Variants in TTF1 observed in about 807,000 individuals in gnomAD.
TTF1 encodes the protein transcription termination factor 1, also known as transcription termination factor, RNA polymerase I.
TTF1 carries 64 observed loss-of-function variants against 80.2 expected under a neutral mutation model. That is an observed-to-expected ratio of 0.80 (90% CI 0.65 to 0.98). The LOEUF (loss-of-function observed/expected upper bound fraction) is 0.98. Among genes scored for constraint, TTF1 ranks in the 50% least tolerant of loss-of-function variants. The pLI, the probability that TTF1 is intolerant of heterozygous loss-of-function variation, is 0.00. For missense variants in TTF1, 1,023 were observed against 1,086.2 expected, an observed-to-expected ratio of 0.94 and a Z score of 0.82; for synonymous variants, 372 against 382.7, an observed-to-expected ratio of 0.97 and a Z score of 0.33.
rs879387967 is a variant in TTF1, at chr9:132,375,699, G to A, written c.*216C>T. ...ATGTATATAAATATAATCAAACTGA[G>A]AAAAAGGGACAAGAAATAGTAATCT... On this transcript the variant is annotated 3_prime_UTR_variant, in exon 11 of 11. Coordinates refer to ENST00000334270, the MANE Select transcript of TTF1 (RefSeq NM_007344.4). The A allele has an allele frequency of 1.7e-5, 8 of 464,894 alleles. No individual in the cohort carries two copies. The highest frequency in any genetic ancestry group is 2.7e-5 in the Non-Finnish European group (7 of 258,356). 28.8% of individuals were successfully genotyped at this position (464,894 alleles called of 1,614,324 possible). A position where few individuals can be genotyped will look rare whatever the true frequency, so the allele number is the denominator to read the frequency against.
At chr9:132,404,448 C>T (rs984246299) in intron 1 of TTF1, among the ~76,000 whole-genome samples, 5 of 152,088 alleles carry the variant, frequency 3.3e-5, no homozygotes, top group African/African-American at 7.2e-5. Context: ...TATTTCCTTC[C>T]GTTATAGGAA....
chr9:132,384,232 G>A lies in TTF1; in HGVS notation c.2378+2324C>T, dbSNP rs1427898786. Among the ~76,000 whole-genome samples, 2 of 152,004 alleles carry A rather than the reference G, an allele frequency of 1.3e-5. No individual in the cohort carries two copies. Among genetic ancestry groups the A allele is most frequent in the Non-Finnish European group, 2.9e-5 (2 of 68,014 alleles). Reference sequence around the variant, plus strand: ...AATAAAGTTTCTGAAAAAAATAATTGGGCATTGCTAATAAAGCAGTACTTA... The same window carrying A: ...AATAAAGTTTCTGAAAAAAATAATTAGGCATTGCTAATAAAGCAGTACTTA... On this transcript the variant is annotated intron_variant, in intron 9 of 10. Coordinates refer to ENST00000334270, the MANE Select transcript of TTF1 (RefSeq NM_007344.4). This position sits in a 1 kb window ranked among gnomAD's most constrained non-coding sequence, Gnocchi z 4.1.
Position 132,376,110 on chromosome 9 carries a change from T to G in TTF1, c.2523A>C (p.Lys841Asn). The G allele has an allele frequency of 6.2e-7, 1 of 1,614,164 alleles. No individual in the cohort carries two copies. The highest frequency in any genetic ancestry group is 1.7e-5 in the Admixed American group (1 of 60,014). Residue 841 changes from lysine to asparagine, a missense_variant, in exon 11 of 11, where the codon AAA (lysine) becomes AAC (asparagine). Lys to Asn is a moderately conservative substitution (Grantham distance 94). Transcript: ENST00000334270. The stretch of plus-strand genomic sequence containing the variant: ...TTTTAGTGCCTTTTTTCTCCATCAT[T>G]TTTTCTAACTTTTCCTTCAGCAAAG... ...TLPLLKEKLE[K>N]MMEKKGTKIQ...
intron 9 of TTF1, among the ~76,000 whole-genome samples, chr9:132,382,119 A>G (rs1461121529): frequency 2.0e-5 from 3 of 152,228 alleles, no homozygotes; most frequent in Non-Finnish European, 4.4e-5. Context: ...TGAGATATCG[A>G]GAGTGGTGGG....
chr9:132,383,475 T>C (rs1473997235), intron 9 of TTF1, among the ~76,000 whole-genome samples: 5 of 152,168 alleles, frequency 3.3e-5, no homozygotes, highest in Admixed American at 3.3e-4. Context: ...TGAATGGTTA[T>C]GGGAAAAACC....
Position 132,376,137 on chromosome 9 carries a change from TAG to T in TTF1, c.2494_2495del (p.Leu832ThrfsTer17). 2 of 1,613,762 alleles carry T rather than the reference TAG, an allele frequency of 1.2e-6. No homozygotes were observed. Among genetic ancestry groups the T allele is most frequent in the Non-Finnish European group, 1.7e-6 (2 of 1,180,004 alleles). ...EIIDYLYETT[L>X]PLLKEKLEKM... ...TTTCTAACTTTTCCTTCAGCAAAGG[TAG>T]AGTCGTCTCATAAAGGTAGTCGATG... On this transcript the variant is annotated frameshift_variant, in exon 11 of 11. Coordinates refer to ENST00000334270, the MANE Select transcript of TTF1 (RefSeq NM_007344.4). LOFTEE classifies it low-confidence loss of function (END_TRUNC).
At chr9:132,386,689 T>C in intron 8 of TTF1, 68 bp from the exon 9 acceptor site, 1 of 1,325,546 alleles carries the variant, frequency 7.5e-7, no homozygotes, top group Non-Finnish European at 1.1e-6. Flanking sequence ...CATGGACGCG[T>C]GGAGTGCTGA....
At chr9:132,378,676 C>T (rs890753145) in intron 10 of TTF1, among the ~76,000 whole-genome samples, 1 of 125,224 alleles carries the variant, frequency 8.0e-6, no homozygotes, top group African/African-American at 3.3e-5. Context: ...TGAGTGCATG[C>T]ATGTGGTGTG....
chr9:132,398,441 C>A, intron 3 of TTF1, 115 bp from the exon 4 acceptor site: 1 of 1,058,030 alleles, frequency 9.5e-7, no homozygotes, highest in Non-Finnish European at 1.3e-6. Flanking sequence ...GTCCCAACAC[C>A]TGACATTCGC....
intron 6 of TTF1, among the ~76,000 whole-genome samples, chr9:132,391,132 AGG>A (rs1849551765): frequency 6.6e-6 from 1 of 152,240 alleles, no homozygotes; most frequent in Non-Finnish European, 1.5e-5. Flanking sequence ...TCAAACTGTG[AGG>A]TTCCCAAACA....
chr9:132,388,583 C>T (rs2131632279), intron 7 of TTF1, among the ~76,000 whole-genome samples: 1 of 152,284 alleles, frequency 6.6e-6, no homozygotes, highest in Middle Eastern at 3.4e-3. Context: ...TCAAGTGATC[C>T]ACCTGCCTAG....
intron 10 of TTF1, 32 bp from the exon 11 acceptor site, chr9:132,376,200 C>T: frequency 6.3e-7 from 1 of 1,597,378 alleles, no homozygotes. Flanking sequence ...GTGCAGTTAT[C>T]TGTCTGTACA....
rs1179163385 is a variant in TTF1, at chr9:132,378,660, CGT to C, written c.2464+397_2464+398del. ...TGAGTGCATGTGGTGTGAGTGCATACGTGTGTGAGTGCATGCATGTGGTGTGT... is the reference window on the plus strand; with the variant it reads ...TGAGTGCATGTGGTGTGAGTGCATACGTGTGAGTGCATGCATGTGGTGTGT... On this transcript the variant is annotated intron_variant, in intron 10 of 10. Transcript: ENST00000334270. Among the ~76,000 whole-genome samples, 57 of 93,960 alleles carry C rather than the reference CGT, an allele frequency of 6.1e-4. 1 individual carries two copies. Among genetic ancestry groups the C allele is most frequent in the African/African-American group, 1.6e-3 (37 of 22,718 alleles). The allele number at this position is 93,960 out of a possible 152,430, so 61.6% of individuals were successfully genotyped here. A position where few individuals can be genotyped will look rare whatever the true frequency, so the allele number is the denominator to read the frequency against.
intron 5 of TTF1, among the ~76,000 whole-genome samples, chr9:132,393,188 A>G (rs1054705207): frequency 2.0e-5 from 3 of 152,276 alleles, no homozygotes; most frequent in African/African-American, 7.2e-5. Context: ...AACATGCAAC[A>G]AATGGCTTTA....
chr9:132,381,996 C>T (rs1849378084), intron 9 of TTF1, among the ~76,000 whole-genome samples: 1 of 152,212 alleles, frequency 6.6e-6, no homozygotes, highest in African/African-American at 2.4e-5. Flanking sequence ...CAAACAATCC[C>T]TCAACATCCC....
intron 9 of TTF1, 83 bp downstream of exon 9, chr9:132,386,473 C>G (rs1849470609): frequency 8.9e-7 from 1 of 1,128,622 alleles, no homozygotes; most frequent in Admixed American, 2.1e-5. Flanking sequence ...TCATTATCAG[C>G]CCTGTAAGAT....
At chr9:132,404,444 C>T (rs551190159) in intron 1 of TTF1, among the ~76,000 whole-genome samples, 1 of 152,254 alleles carries the variant, frequency 6.6e-6, no homozygotes, top group Non-Finnish European at 1.5e-5. Flanking sequence ...AGGCTATTTC[C>T]TTCCGTTATA....
At chr9:132,387,836 T>C (rs1392828072) in intron 8 of TTF1, among the ~76,000 whole-genome samples, 2 of 152,206 alleles carry the variant, frequency 1.3e-5, no homozygotes, top group Admixed American at 6.5e-5. Context: ...AAATAATTTA[T>C]ATCCATATGA....
Position 132,394,722 on chromosome 9 carries a change from A to G in TTF1, c.1856+1711T>C, listed in dbSNP as rs189186633. On this transcript the variant is annotated intron_variant, in intron 5 of 10. Coordinates refer to ENST00000334270, the MANE Select transcript of TTF1 (RefSeq NM_007344.4). ...AGCCTGGTCAACATGGTGAAAGCTCATCTCCACTAAAAATATAAAAATTAG... is the reference window on the plus strand; with the variant it reads ...AGCCTGGTCAACATGGTGAAAGCTCGTCTCCACTAAAAATATAAAAATTAG... Among the ~76,000 whole-genome samples the G allele has an allele frequency of 3.1e-3, 476 of 151,404 alleles. 2 individuals are homozygous for G. The highest frequency in any genetic ancestry group is 0.011 in the African/African-American group (462 of 41,266).
Sources: allele counts gnomAD v4.1 joint callset (sites outside exome capture counted in the v4.1 genomes callset), GRCh38; gene constraint gnomAD v4.1.1; non-coding constraint Gnocchi (gnomAD v3.1); transcripts MANE v1.5; gene names NCBI Gene and HGNC (gene_info 2026-07-23, HGNC 2026-07-21).